Variants in FRYL observed in about 807,000 individuals in gnomAD.
FRYL encodes FRY like transcription coactivator, also known as protein furry homolog-like.
A neutral mutation model predicts 351.2 loss-of-function variants in FRYL; 150 were observed. The ratio of observed to expected loss-of-function variants is 0.43; its 90% CI spans 0.37 to 0.49. FRYL has a LOEUF of 0.49. Among genes scored for constraint, FRYL ranks in the 20% least tolerant of loss-of-function variants. The pLI, the probability that FRYL is intolerant of heterozygous loss-of-function variation, is 0.00. For missense variants in FRYL, 3,036 were observed against 3,619.3 expected (o/e 0.84, Z 4.13); for synonymous variants, 1,153 against 1,257.1 (o/e 0.92, Z 1.75).
chr4:48,538,815 C>T (rs559664479), intron 47 of FRYL, among the ~76,000 whole-genome samples: 4 of 151,760 alleles, frequency 2.6e-5, no homozygotes, highest in Admixed American at 6.6e-5. Context: ...TACATGTATG[C>T]TACTTGTAAA....
chr4:48,634,181 A>G (rs1753791712), intron 4 of FRYL, 110 bp downstream of exon 4: 1 of 796,148 alleles, frequency 1.3e-6, no homozygotes, highest in Admixed American at 2.2e-5. Flanking sequence ...CATCACCACT[A>G]TCCCTTAATA....
chr4:48,681,251 C>T (rs533756639), intron 3 of FRYL: 10 of 291,016 alleles, frequency 3.4e-5, no homozygotes, highest in East Asian at 2.4e-4. Flanking sequence ...TGAATTTAGG[C>T]GGTGCTAAAC....
At chr4:48,506,669 T>TATA (rs1721115591) in intron 59 of FRYL, 3 of 96,658 alleles carry the variant, frequency 3.1e-5, no homozygotes, top group East Asian at 5.8e-4. Context: ...TATATATATA[T>TATA]GAAATCATTA....
rs181721880 is a variant in FRYL, at chr4:48,743,860, C to G, written c.-383-33162G>C. 8.5e-5 allele frequency among the ~76,000 whole-genome samples: 13 copies of G among 152,276 alleles called. 1 individual carries two copies. Among genetic ancestry groups the G allele is most frequent in the Non-Finnish European group, 8.8e-5 (6 of 68,026 alleles). ...CTCTTCCCTGGGTCTCCAGCCTACC[C>G]CGCAGATTTTTGACTTGTCAAGCCT... is the stretch of plus-strand genomic sequence containing the variant. On this transcript the variant is annotated intron_variant, in intron 1 of 63. Transcript: ENST00000358350.
At chr4:48,612,507 T>C (rs1028838686) in intron 7 of FRYL, among the ~76,000 whole-genome samples, 26 of 152,002 alleles carry the variant, frequency 1.7e-4, no homozygotes, top group African/African-American at 5.8e-4. Context: ...CGTGTGTGTG[T>C]GTGTGTGTGT....
chr4:48,647,842 T>TA (rs1354725587), intron 3 of FRYL, among the ~76,000 whole-genome samples: 1 of 152,202 alleles, frequency 6.6e-6, no homozygotes, highest in Non-Finnish European at 1.5e-5. Flanking sequence ...TGAGGGATGA[T>TA]AAGAGTATTC....
intron 7 of FRYL, chr4:48,618,934 T>C (rs1418721017): frequency 1.0e-5 from 2 of 193,000 alleles, no homozygotes; most frequent in Non-Finnish European, 2.1e-5. Context: ...GCTTGGGGGC[T>C]TAGAGGAGAA....
intron 4 of FRYL, among the ~76,000 whole-genome samples, chr4:48,625,002 T>C (rs577526573): frequency 6.6e-6 from 1 of 152,320 alleles, no homozygotes; most frequent in Admixed American, 6.5e-5. Context: ...CTAGAACTTA[T>C]ACCATGGGCT....
rs144044108 is a variant in FRYL, at chr4:48,732,477, A to G, written c.-383-21779T>C. On this transcript the variant is annotated intron_variant, in intron 1 of 63. Coordinates refer to ENST00000358350, the MANE Select transcript of FRYL (RefSeq NM_015030.2). ...TTCTACTATAAAGACACATGCACAC[A>G]TATGTTTACTGCAGCACTATTCACA... Among the ~76,000 whole-genome samples, 479 of 152,286 alleles carry G rather than the reference A, an allele frequency of 3.1e-3. 14 individuals are homozygous for G. The East Asian group carries it at 0.078, about 25-fold the overall frequency.
rs1441459178 is a variant in FRYL at position 48,500,174 on chromosome 4, T to C, written c.8639A>G (p.Lys2880Arg). ...GTTTTCGGAAGCGGACTCAGCTTCT[T>C]TGAGGATACTTTCCAGTTGGGCAAG... Reference protein sequence around the residue: ...EELAQLESILKEAESASENEE... With the variant: ...EELAQLESILREAESASENEE... The change falls in exon 63 of 64, where the codon AAA becomes AGA. Residue 2880 changes from lysine (K) to arginine (R), a missense_variant. By Grantham distance (26) the Lys-to-Arg change is conservative (BLOSUM62 2). Transcript: ENST00000358350. 1 of 1,601,286 alleles carries C rather than the reference T, an allele frequency of 6.2e-7. No homozygotes were observed. Among genetic ancestry groups the C allele is most frequent in the Non-Finnish European group, 8.5e-7 (1 of 1,177,532 alleles).
At chr4:48,541,803 GA>G (rs1444581229) in intron 45 of FRYL, among the ~76,000 whole-genome samples, 1 of 152,176 alleles carries the variant, frequency 6.6e-6, no homozygotes, top group Non-Finnish European at 1.5e-5. Context: ...TGGTGCATTA[GA>G]AAGATCTCTA....
chr4:48,658,210 A>C (rs1176123872), intron 3 of FRYL, among the ~76,000 whole-genome samples: 2 of 152,206 alleles, frequency 1.3e-5, no homozygotes, highest in African/African-American at 2.4e-5. Flanking sequence ...TTCTTCAATT[A>C]CTCATTTGTA....
At chr4:48,534,422 GA>G (rs1728435995) in intron 49 of FRYL, 122 bp downstream of exon 49, 2 of 765,406 alleles carry the variant, frequency 2.6e-6, no homozygotes, top group African/African-American at 1.8e-5. Context: ...CAAATATCCT[GA>G]AAACACGATT....
intron 9 of FRYL, 56 bp from the exon 10 acceptor site, chr4:48,606,662 T>C (rs1746905111): frequency 2.8e-6 from 4 of 1,432,376 alleles, no homozygotes; most frequent in Admixed American, 3.8e-5. Context: ...AATTTCCACA[T>C]GATATTTAAG....
chr4:48,630,037 T>C (rs1206573698), intron 4 of FRYL, among the ~76,000 whole-genome samples: 2 of 152,008 alleles, frequency 1.3e-5, no homozygotes, highest in Non-Finnish European at 2.9e-5. Context: ...AAACCAAATA[T>C]CAAAAACCCC....
At chr4:48,583,355 C>T (rs1741339350) in intron 19 of FRYL, among the ~76,000 whole-genome samples, 1 of 151,970 alleles carries the variant, frequency 6.6e-6, no homozygotes, top group Admixed American at 6.6e-5. Flanking sequence ...GTTTCACCGT[C>T]TTAGCCAGGA....
chr4:48,605,794 T>C lies in FRYL; in HGVS notation c.781A>G (p.Ile261Val). The C allele has an allele frequency of 6.2e-7, 1 of 1,607,512 alleles. No individual in the cohort carries two copies. The highest frequency in any genetic ancestry group is 8.5e-7 in the Non-Finnish European group (1 of 1,174,598). ...QYFLEVKDKD[I>V]KHALAGLFVE... The stretch of plus-strand genomic sequence containing the variant: ...AATAAACCAGCAAGTGCATGTTTTA[T>C]ATCTTTATCTTTCACTTCTAAGAAA... Residue 261 changes from isoleucine to valine, a missense_variant, in exon 11 of 64, where the codon ATA becomes GTA. Physicochemically the swap from Ile to Val is conservative, Grantham distance 29. Transcript: ENST00000358350.
chr4:48,529,455 T>G (rs1727042137), intron 50 of FRYL, among the ~76,000 whole-genome samples: 1 of 152,166 alleles, frequency 6.6e-6, no homozygotes, highest in Non-Finnish European at 1.5e-5. Flanking sequence ...AACGATCGAT[T>G]TCTGAATCAG....
At chr4:48,642,643 T>C (rs572077735) in intron 3 of FRYL, among the ~76,000 whole-genome samples, 3 of 152,256 alleles carry the variant, frequency 2.0e-5, no homozygotes, top group African/African-American at 7.2e-5. Flanking sequence ...ATATGTCCAA[T>C]GTTTTTTACT....
Sources: gnomAD v4.1 joint callset for allele counts (sites outside exome capture counted in the v4.1 genomes callset) on GRCh38, gnomAD v4.1.1 for gene constraint, MANE v1.5 for transcripts, NCBI Gene and HGNC (gene_info 2026-07-23, HGNC 2026-07-21) for gene names.